FANCB: variants seen among roughly 807,000 people sequenced by gnomAD.
FANCB encodes FA complementation group B.
FANCB carries 5 observed loss-of-function variants against 38.9 expected under a neutral mutation model. The observed-to-expected ratio is 0.13, with a 90% CI of 0.07 to 0.27. The LOEUF (loss-of-function observed/expected upper bound fraction) is 0.27, where lower values mean the gene tolerates loss of function less well. FANCB is among the 10% of genes least tolerant of loss of function. The pLI is 1.00. For missense variants in FANCB, 573 were observed against 602.7 expected, an observed-to-expected ratio of 0.95 and a Z score of 0.52; for synonymous variants, 236 against 215.4, an observed-to-expected ratio of 1.10 and a Z score of -0.84.
At chrX:14,772,687 T>C in the FANCB span, among the ~76,000 whole-genome samples, 1 of 111,221 alleles carries the variant, frequency 9.0e-6, no homozygotes, top group Non-Finnish European at 1.9e-5. Flanking sequence ...ATGGATTTCC[T>C]GCCTTGCAGG....
chrX:14,774,924 C>T, the FANCB span, among the ~76,000 whole-genome samples: 70 of 111,032 alleles, frequency 6.3e-4, no homozygotes, highest in South Asian at 4.2e-3. Flanking sequence ...GCTCCGCCTC[C>T]CGGGTTCCTG....
Position 14,865,560 on chromosome X carries a change from T to C in FANCB, c.-50A>G, listed in dbSNP as rs113427280. On this transcript the variant is annotated 5_prime_UTR_variant, in exon 3 of 10. Coordinates refer to ENST00000650831, the MANE Select transcript of FANCB (RefSeq NM_001018113.3). ...GATCTAATTTTCAAATGCAAATTGA[T>C]TCCAGTTGATGTTTCTAAACCTAAA... The C allele has an allele frequency of 4.4e-5, 43 of 969,751 alleles. No individual in the cohort carries two copies. The highest frequency in any genetic ancestry group is 6.0e-5 in the Non-Finnish European group (41 of 687,170). 79.9% of individuals were successfully genotyped at this position (969,751 alleles called of 1,213,427 possible). A position where few individuals can be genotyped will look rare whatever the true frequency, so the allele number is the denominator to read the frequency against.
chrX:14,786,948 T>C, the FANCB span, among the ~76,000 whole-genome samples: 1 of 111,719 alleles, frequency 9.0e-6, no homozygotes, highest in African/African-American at 3.3e-5. Flanking sequence ...AATGTCAGAA[T>C]GCAAAAACTT....
chrX:14,737,607 G>A, the FANCB span, among the ~76,000 whole-genome samples: 902 of 111,869 alleles, frequency 8.1e-3, 6 homozygotes, highest in Middle Eastern at 0.019. Flanking sequence ...AGAGTTTCAA[G>A]AGAACTGACT....
At chrX:14,813,837 T>C in the FANCB span, among the ~76,000 whole-genome samples, 43 of 111,535 alleles carry the variant, frequency 3.9e-4, no homozygotes, top group Middle Eastern at 4.6e-3. Context: ...TTAAAGTTCA[T>C]ATGGAACCAA....
At chrX:14,839,942 G>T (rs1195898835), downstream of FANCB, among the ~76,000 whole-genome samples, 1 of 109,720 alleles carries the variant, frequency 9.1e-6, no homozygotes, top group Non-Finnish European at 1.9e-5. Flanking sequence ...TGCAACCGCC[G>T]CCTCCAGGGT....
At chrX:14,805,822 T>A in the FANCB span, among the ~76,000 whole-genome samples, 2 of 111,932 alleles carry the variant, frequency 1.8e-5, no homozygotes, top group Non-Finnish European at 3.8e-5. Flanking sequence ...ACATGGCCCG[T>A]TCTGACTGCT....
Position 14,865,434 on chromosome X carries a change from T to C in FANCB, c.77A>G (p.Gln26Arg). Reference sequence around the variant, plus strand: ...ATCTGCAAAATTTCCTTTAGACAACTGGAAAACAAGGACTTCCCCATTATA... The same window carrying C: ...ATCTGCAAAATTTCCTTTAGACAACCGGAAAACAAGGACTTCCCCATTATA... ...LCYNGEVLVF[Q>R]LSKGNFADKE... The change falls in exon 3 of 10, where the codon CAG becomes CGG. Residue 26 changes from glutamine to arginine, a missense_variant. Gln to Arg is a conservative substitution (Grantham distance 43, BLOSUM62 1). Coordinates refer to ENST00000650831, the MANE Select transcript of FANCB (RefSeq NM_001018113.3). The C allele has an allele frequency of 3.3e-6, 4 of 1,210,450 alleles. No homozygotes were observed. The highest frequency in any genetic ancestry group is 4.5e-6 in the Non-Finnish European group (4 of 894,592).
chrX:14,734,736 G>A, the FANCB span, among the ~76,000 whole-genome samples: 2 of 110,676 alleles, frequency 1.8e-5, no homozygotes, highest in Admixed American at 1.9e-4. Context: ...TCTTTGTGGT[G>A]TTCTCTGTAT....
chrX:14,811,103 G>A, the FANCB span, among the ~76,000 whole-genome samples: 2 of 110,856 alleles, frequency 1.8e-5, no homozygotes, highest in Non-Finnish European at 3.8e-5. Flanking sequence ...ATACTTTACA[G>A]ACAAGCAAAT....
At chrX:14,777,990 G>A in the FANCB span, among the ~76,000 whole-genome samples, 98 of 111,800 alleles carry the variant, frequency 8.8e-4, no homozygotes, top group African/African-American at 3.1e-3. Context: ...TTTGGAATGT[G>A]AGGTTCCTCC....
At chrX:14,857,684 C>T (rs1050817877) in intron 5 of FANCB, among the ~76,000 whole-genome samples, 178 bp downstream of exon 5, 1 of 111,657 alleles carries the variant, frequency 9.0e-6, no homozygotes, top group African/African-American at 3.3e-5. Flanking sequence ...TTAGATGATA[C>T]ATTTATAAGT....
the FANCB span, among the ~76,000 whole-genome samples, chrX:14,735,857 G>T: frequency 1.4e-3 from 158 of 111,820 alleles, no homozygotes; most frequent in Non-Finnish European, 2.6e-3. Context: ...CCCAGGCGCT[G>T]TGTCCCAGGG....
At chrX:14,837,061 A>G (rs1198210707) in intron 10 of FANCB, among the ~76,000 whole-genome samples, 1 of 112,588 alleles carries the variant, frequency 8.9e-6, no homozygotes, top group African/African-American at 3.2e-5. Context: ...AAAGATCTCT[A>G]TATTCCCTTC....
intron 4 of FANCB, among the ~76,000 whole-genome samples, chrX:14,858,394 C>T (rs1181178594): frequency 1.9e-5 from 2 of 107,393 alleles, no homozygotes; most frequent in Non-Finnish European, 3.9e-5. Context: ...AAGACTCTGT[C>T]TCCAAAAAAA....
the FANCB span, among the ~76,000 whole-genome samples, chrX:14,815,062 T>G: frequency 9.0e-6 from 1 of 110,806 alleles, no homozygotes; most frequent in South Asian, 3.8e-4. Context: ...CAGCAAACTA[T>G]CACAAGGACA....
At chrX:14,755,444 A>G in the FANCB span, among the ~76,000 whole-genome samples, 4 of 112,186 alleles carry the variant, frequency 3.6e-5, no homozygotes, top group African/African-American at 1.3e-4. Flanking sequence ...GAAGAAATTC[A>G]GTAAAGTTGC....
chrX:14,730,310 A>G, the FANCB span: 3 of 1,210,438 alleles, frequency 2.5e-6, no homozygotes, highest in Non-Finnish European at 3.4e-6. Context: ...ACACCTGCCA[A>G]CCCACTCCCA....
the FANCB span, among the ~76,000 whole-genome samples, chrX:14,755,772 G>T: frequency 9.1e-6 from 1 of 110,176 alleles, no homozygotes; most frequent in Admixed American, 9.6e-5. Context: ...AAAAACCAAT[G>T]ACATTATTCA....
Sources: allele counts gnomAD v4.1 joint callset (sites outside exome capture counted in the v4.1 genomes callset), GRCh38; gene constraint gnomAD v4.1.1; transcripts MANE v1.5; gene names NCBI Gene and HGNC (gene_info 2026-07-23, HGNC 2026-07-21).